Variants in ENAH observed in about 807,000 individuals in gnomAD.
The protein encoded by ENAH is protein enabled homolog.
Under a neutral mutation model 78.7 loss-of-function variants are expected in ENAH, and 23 were observed. The observed-to-expected ratio is 0.29, with a 90% confidence interval of 0.21 to 0.41. The LOEUF (loss-of-function observed/expected upper bound fraction) is 0.41, where lower values mean the gene tolerates loss of function less well. Ranked by LOEUF, ENAH falls within the 10% of genes least tolerant of loss-of-function variation. The pLI, the probability that ENAH is intolerant of heterozygous loss-of-function variation, is 1.00. For synonymous variants in ENAH, 226 were observed against 241.0 expected (o/e 0.94, Z 0.58); for missense variants, 544 against 691.0 (o/e 0.79, Z 2.39).
At chr1:225,541,211 G>A (rs1343904093) in intron 3 of ENAH, among the ~76,000 whole-genome samples, 1 of 152,182 alleles carries the variant, frequency 6.6e-6, no homozygotes, top group Non-Finnish European at 1.5e-5. Context: ...AAGGCGTGCG[G>A]ATCACGTGGT....
At chr1:225,613,342 T>C (rs986590192) in intron 1 of ENAH, among the ~76,000 whole-genome samples, 1 of 152,184 alleles carries the variant, frequency 6.6e-6, no homozygotes, top group African/African-American at 2.4e-5. Flanking sequence ...TATTGGTACA[T>C]CCTTCTCCTC....
At chr1:225,602,501 A>C (rs1452738888) in intron 1 of ENAH, among the ~76,000 whole-genome samples, 2 of 152,134 alleles carry the variant, frequency 1.3e-5, no homozygotes, top group African/African-American at 4.8e-5. Flanking sequence ...AAAAGAAAAA[A>C]CTCAGGTGGT....
chr1:225,547,305 C>T (rs183382771), intron 3 of ENAH, among the ~76,000 whole-genome samples: 13 of 152,092 alleles, frequency 8.5e-5, no homozygotes. Context: ...CTCCTGACCT[C>T]GTGATCCACC....
At chr1:225,637,090 T>C (rs564498156) in intron 1 of ENAH, among the ~76,000 whole-genome samples, 2 of 152,286 alleles carry the variant, frequency 1.3e-5, no homozygotes, top group South Asian at 2.1e-4. Context: ...ATGGGGAGTA[T>C]TGAAAGGCAC....
rs1396633875 is a variant in ENAH at position 225,488,164 on chromosome 1, TTTATTTATTTATTTA to T, written c.*9596_*9610del. On this transcript the variant is annotated 3_prime_UTR_variant, in exon 14 of 14. Coordinates refer to ENST00000366843, the MANE Select transcript of ENAH (RefSeq NM_018212.6). ...ACAATAGTCAAGGACAAGGTTTTTA[TTTATTTATTTATTTA>T]TTATTTATTTATTTATTTTTTAAGG... The T allele has an allele frequency of 2.8e-5, 4 of 143,192 alleles. No individual in the cohort carries two copies. Among genetic ancestry groups the T allele is most frequent in the African/African-American group, 5.0e-5 (2 of 39,836 alleles). The allele number at this position is 143,192 out of a possible 1,614,324, so 8.9% of individuals were successfully genotyped here.
chr1:225,587,655 T>A (rs2096854049), intron 1 of ENAH, among the ~76,000 whole-genome samples: 1 of 152,066 alleles, frequency 6.6e-6, no homozygotes, highest in Non-Finnish European at 1.5e-5. Flanking sequence ...ACAAACTAAT[T>A]ATAATATTCA....
At chr1:225,519,006 G>C in intron 5 of ENAH, 192 bp downstream of exon 5, 1 of 887,752 alleles carries the variant, frequency 1.1e-6, no homozygotes, top group Non-Finnish European at 1.6e-6. Flanking sequence ...AAGTCTCCAA[G>C]CAATAAAAGC....
At chr1:225,519,153 C>T (rs2096445489) in intron 5 of ENAH, 45 bp downstream of exon 5, 1 of 1,594,704 alleles carries the variant, frequency 6.3e-7, no homozygotes, top group South Asian at 1.1e-5. Context: ...GAGACATCAT[C>T]CAAGCTCAGA....
chr1:225,598,869 G>A (rs2096915967), intron 1 of ENAH, among the ~76,000 whole-genome samples: 1 of 151,412 alleles, frequency 6.6e-6, no homozygotes, highest in Admixed American at 6.6e-5. Context: ...AAAAATCAAC[G>A]GGTGCTAAAT....
intron 1 of ENAH, among the ~76,000 whole-genome samples, chr1:225,583,433 CAAAAAAAAAAA>C (rs67324652): frequency 9.9e-6 from 1 of 100,568 alleles, no homozygotes; most frequent in African/African-American, 3.8e-5. Context: ...GACCCTGTAT[CAAAAAAAAAAA>C]AAAAAAAAAG....
intron 1 of ENAH, among the ~76,000 whole-genome samples, chr1:225,569,034 A>G (rs2096748015): frequency 6.6e-6 from 1 of 152,210 alleles, no homozygotes; most frequent in African/African-American, 2.4e-5. Context: ...GTTTTAAAAG[A>G]TAGATTAAAG....
At chr1:225,533,319 T>C (rs1242870941) in intron 3 of ENAH, among the ~76,000 whole-genome samples, 1 of 152,214 alleles carries the variant, frequency 6.6e-6, no homozygotes, top group African/African-American at 2.4e-5. Flanking sequence ...CAGCTGCCGC[T>C]GTATGTTCAG....
intron 5 of ENAH, chr1:225,517,746 A>G (rs1221724271): frequency 1.7e-5 from 27 of 1,551,210 alleles, no homozygotes; most frequent in East Asian, 4.9e-5. Context: ...CTGTAGCGTA[A>G]TGGGGAAGAA....
At chr1:225,516,484 T>TA (rs2096417984) in intron 6 of ENAH, among the ~76,000 whole-genome samples, 2 of 152,286 alleles carry the variant, frequency 1.3e-5, no homozygotes, top group South Asian at 4.1e-4. Context: ...GCACTAAATA[T>TA]ATCTCTCTAA....
intron 1 of ENAH, among the ~76,000 whole-genome samples, chr1:225,608,993 AATAGATATTCTTAAATATTC>A (rs2096973239): frequency 6.6e-6 from 1 of 152,082 alleles, no homozygotes; most frequent in Admixed American, 6.6e-5. Context: ...AGTAGGCTCT[AATAGATATTCTTAAATATTC>A]TAAGTCTCAA....
chr1:225,550,349 C>T (rs2096635473), intron 3 of ENAH, among the ~76,000 whole-genome samples: 1 of 152,088 alleles, frequency 6.6e-6, no homozygotes, highest in Non-Finnish European at 1.5e-5. Context: ...AGCTGTAGCC[C>T]GACTGTGACA....
intron 1 of ENAH, among the ~76,000 whole-genome samples, chr1:225,590,944 G>A (rs1253054649): frequency 6.6e-6 from 1 of 152,080 alleles, no homozygotes; most frequent in Non-Finnish European, 1.5e-5. Flanking sequence ...AATCTAGTTA[G>A]GAATAGTTCA....
At chr1:225,613,142 G>A (rs972421158) in intron 1 of ENAH, among the ~76,000 whole-genome samples, 17 of 152,030 alleles carry the variant, frequency 1.1e-4, no homozygotes, top group Non-Finnish European at 1.5e-4. Context: ...AAGGCCTTTG[G>A]ACCTCTTCTG....
intron 3 of ENAH, among the ~76,000 whole-genome samples, chr1:225,549,533 T>C (rs12037289): frequency 0.078 from 11,902 of 152,250 alleles, 579 homozygotes; most frequent in Admixed American, 0.14. Flanking sequence ...AAGCCACTAA[T>C]GCCACTGTCT....
Sources: gnomAD v4.1 joint callset for allele counts (sites outside exome capture counted in the v4.1 genomes callset) on GRCh38, gnomAD v4.1.1 for gene constraint, MANE v1.5 for transcripts, NCBI Gene and HGNC (gene_info 2026-07-23, HGNC 2026-07-21) for gene names.